The following TRIP12 variants were observed in gnomAD, a reference collection of about 807,000 sequenced individuals.
TRIP12 encodes the protein thyroid hormone receptor interactor 12.
TRIP12 carries 25 observed loss-of-function variants against 244.2 expected under a neutral mutation model. The ratio of observed to expected loss-of-function variants is 0.10; its 90% CI spans 0.07 to 0.14. TRIP12 has a LOEUF of 0.14. Ranked by LOEUF, TRIP12 falls within the 10% of genes least tolerant of loss-of-function variation. The pLI, the probability that TRIP12 is intolerant of heterozygous loss-of-function variation, is 1.00. For missense variants in TRIP12, 1,677 were observed against 2,486.4 expected, an observed-to-expected ratio of 0.67 and a Z score of 6.92; for synonymous variants, 905 against 873.1, an observed-to-expected ratio of 1.04 and a Z score of -0.64.
chr2:229,775,975 CAAAA>C (rs1291668996), intron 37 of TRIP12, among the ~76,000 whole-genome samples: 1 of 151,810 alleles, frequency 6.6e-6, no homozygotes, highest in Non-Finnish European at 1.5e-5. Context: ...AACAAACAAA[CAAAA>C]AAACTACTGA....
At chr2:229,841,353 T>A (rs2154311257) in intron 4 of TRIP12, among the ~76,000 whole-genome samples, 1 of 152,302 alleles carries the variant, frequency 6.6e-6, no homozygotes, top group East Asian at 1.9e-4. Flanking sequence ...GGCTCATCAA[T>A]AAGGTATGAG....
chr2:229,841,554 A>T (rs1399130153), intron 4 of TRIP12, among the ~76,000 whole-genome samples: 1 of 152,218 alleles, frequency 6.6e-6, no homozygotes, highest in Non-Finnish European at 1.5e-5. Flanking sequence ...TCAATTAAGT[A>T]AAGTTTATTA....
intron 13 of TRIP12, among the ~76,000 whole-genome samples, chr2:229,811,778 G>A (rs2047311266): frequency 6.6e-6 from 1 of 152,182 alleles, no homozygotes; most frequent in Non-Finnish European, 1.5e-5. Context: ...ATAAAAAGAA[G>A]GGAAAGAATG....
intron 9 of TRIP12, 44 bp from the exon 10 acceptor site, chr2:229,815,352 A>G (rs754526212): frequency 8.6e-7 from 1 of 1,169,408 alleles, no homozygotes; most frequent in Non-Finnish European, 1.2e-6. Flanking sequence ...ATTCCTTGGG[A>G]AAATCCTAGA....
At chr2:229,874,020 T>C (rs930866552) in intron 2 of TRIP12, among the ~76,000 whole-genome samples, 1 of 150,782 alleles carries the variant, frequency 6.6e-6, no homozygotes, top group Admixed American at 6.7e-5. Flanking sequence ...TATCTGATTT[T>C]AAAATGTTGT....
intron 4 of TRIP12, among the ~76,000 whole-genome samples, chr2:229,843,783 T>C (rs937558751): frequency 1.3e-5 from 2 of 151,986 alleles, no homozygotes; most frequent in African/African-American, 4.8e-5. Context: ...CCCAGCTACT[T>C]AGGAAGCTGA....
chr2:229,916,477 C>T (rs1161490434), intron 1 of TRIP12, among the ~76,000 whole-genome samples: 2 of 152,152 alleles, frequency 1.3e-5, no homozygotes, highest in East Asian at 1.9e-4. Flanking sequence ...ATCACTTGAA[C>T]CTGGAAGGTG....
At chr2:229,809,115 A>G (rs1325177385) in intron 15 of TRIP12, among the ~76,000 whole-genome samples, 1 of 152,196 alleles carries the variant, frequency 6.6e-6, no homozygotes, top group Non-Finnish European at 1.5e-5. Flanking sequence ...TTTTATTAGA[A>G]TGTTTTGCCA....
rs2040756874 is a variant in TRIP12 at position 229,789,018 on chromosome 2, C to T, written c.4696-78G>A. ...ATATTCACAATCTCTTCCATTATCCCCAAGTCCATGCAAAGTACCCTGAAT... is the reference window on the plus strand; with the variant it reads ...ATATTCACAATCTCTTCCATTATCCTCAAGTCCATGCAAAGTACCCTGAAT... On this transcript the variant is annotated intron_variant, in intron 31 of 41. Coordinates refer to ENST00000675903, the MANE Select transcript of TRIP12 (RefSeq NM_001348323.3). The T allele has an allele frequency of 4.4e-6, 6 of 1,356,588 alleles. No homozygotes were observed. The South Asian group carries it at 8.3e-5, about 19-fold the overall frequency. The allele number at this position is 1,356,588 out of a possible 1,614,324, so 84.0% of individuals were successfully genotyped here.
At chr2:229,852,402 G>C (rs1438264422) in intron 4 of TRIP12, among the ~76,000 whole-genome samples, 2 of 151,802 alleles carry the variant, frequency 1.3e-5, no homozygotes, top group African/African-American at 4.8e-5. Flanking sequence ...AGGTAGATTA[G>C]CAAAATATAT....
intron 1 of TRIP12, among the ~76,000 whole-genome samples, chr2:229,888,813 A>T (rs967791639): frequency 5.3e-5 from 8 of 152,118 alleles, no homozygotes; most frequent in Non-Finnish European, 8.8e-5. Flanking sequence ...CAAAAAAAAA[A>T]CAAAAGAAAA....
chr2:229,813,825 A>C (rs574414045), intron 13 of TRIP12, 45 bp downstream of exon 13: 2 of 1,305,840 alleles, frequency 1.5e-6, no homozygotes, highest in African/African-American at 1.5e-5. Flanking sequence ...TAAAAAAATT[A>C]GTAATAAAAC....
chr2:229,795,909 C>T (rs2042698873), intron 25 of TRIP12, among the ~76,000 whole-genome samples: 1 of 152,172 alleles, frequency 6.6e-6, no homozygotes, highest in East Asian at 1.9e-4. Flanking sequence ...GCTCAAATGC[C>T]TCTGAGGACT....
intron 41 of TRIP12, among the ~76,000 whole-genome samples, 191 bp from the exon 42 acceptor site, chr2:229,767,941 A>G (rs1258793376): frequency 6.6e-6 from 1 of 152,338 alleles, no homozygotes; most frequent in South Asian, 2.1e-4. Flanking sequence ...GCTGTATAAC[A>G]TGGAGGCAAC....
At chr2:229,906,025 C>T (rs2154373492) in intron 1 of TRIP12, among the ~76,000 whole-genome samples, 1 of 152,298 alleles carries the variant, frequency 6.6e-6, no homozygotes, top group East Asian at 1.9e-4. Flanking sequence ...ATGTTCATGG[C>T]CAGGCGCAGT....
chr2:229,897,603 T>C (rs1412150888), intron 1 of TRIP12, among the ~76,000 whole-genome samples: 1 of 152,224 alleles, frequency 6.6e-6, no homozygotes, highest in Non-Finnish European at 1.5e-5. Context: ...GCTGAGATCG[T>C]GCCACTGCAC....
chr2:229,841,983 G>A lies in TRIP12; in HGVS notation c.1028-1056C>T, dbSNP rs2056523769. 2.0e-5 allele frequency among the ~76,000 whole-genome samples: 3 copies of A among 152,188 alleles called. No individual in the cohort carries two copies. The South Asian group carries it at 6.2e-4, about 31-fold the overall frequency. ...CATTCAACTTGGGATGGTCTTTACA[G>A]CAGACTTAAAAGGAGAGTTGCTAAG... On this transcript the variant is annotated intron_variant, in intron 4 of 41. Coordinates refer to ENST00000675903, the MANE Select transcript of TRIP12 (RefSeq NM_001348323.3).
intron 1 of TRIP12, among the ~76,000 whole-genome samples, chr2:229,918,555 C>T (rs906717776): frequency 1.3e-5 from 2 of 152,102 alleles, no homozygotes; most frequent in African/African-American, 4.8e-5. Flanking sequence ...CAATAAAAAA[C>T]GTAAATGAAT....
intron 2 of TRIP12, among the ~76,000 whole-genome samples, chr2:229,879,061 T>A (rs1479116142): frequency 1.3e-5 from 2 of 151,940 alleles, no homozygotes; most frequent in Non-Finnish European, 2.9e-5. Flanking sequence ...GAGACCAGCT[T>A]GGCCACCGTG....
Sources: gnomAD v4.1 joint callset for allele counts (sites outside exome capture counted in the v4.1 genomes callset) on GRCh38, gnomAD v4.1.1 for gene constraint, MANE v1.5 for transcripts, NCBI Gene and HGNC (gene_info 2026-07-23, HGNC 2026-07-21) for gene names.